Variants in TAMM41 observed in about 807,000 individuals in gnomAD.
TAMM41 encodes the protein phosphatidate cytidylyltransferase, mitochondrial.
A neutral mutation model predicts 44.1 loss-of-function variants in TAMM41; 36 were observed. The observed-to-expected ratio is 0.82, with a 90% CI of 0.63 to 1.08. The LOEUF (loss-of-function observed/expected upper bound fraction) is 1.08, where lower values mean the gene tolerates loss of function less well. Ranked by LOEUF, TAMM41 falls within the 50% of genes least tolerant of loss-of-function variation. The pLI, the probability that TAMM41 is intolerant of heterozygous loss-of-function variation, is 0.00. For synonymous variants in TAMM41, 164 were observed against 153.1 expected (o/e 1.07, Z -0.53); for missense variants, 417 against 404.3 (o/e 1.03, Z -0.27).
At chr3:11,744,350 G>A in the TAMM41 span, among the ~76,000 whole-genome samples, 12 of 152,078 alleles carry the variant, frequency 7.9e-5, no homozygotes, top group Admixed American at 7.9e-4. Flanking sequence ...TTACAGGTGT[G>A]AGCCACCATG....
At chr3:11,777,580 G>A in the TAMM41 span, among the ~76,000 whole-genome samples, 168 of 152,276 alleles carry the variant, frequency 1.1e-3, no homozygotes, top group African/African-American at 3.7e-3. Context: ...GATCATTTGC[G>A]ATCCAGAGTT....
the TAMM41 span, among the ~76,000 whole-genome samples, chr3:11,752,511 A>C: frequency 6.6e-6 from 1 of 151,802 alleles, no homozygotes; most frequent in Non-Finnish European, 1.5e-5. Flanking sequence ...AATCCTAGCT[A>C]CAGAGTGCTG....
chr3:11,834,357 A>G (rs2079094726), intron 3 of TAMM41, among the ~76,000 whole-genome samples: 1 of 152,238 alleles, frequency 6.6e-6, no homozygotes. Context: ...GTCAATATAA[A>G]TGTCTTAAAA....
At chr3:11,808,403 C>A in intron 6 of TAMM41, 1 of 992,654 alleles carries the variant, frequency 1.0e-6, no homozygotes, top group South Asian at 4.6e-5. Flanking sequence ...GTGCCTCGTA[C>A]AGAGCTATCT....
chr3:11,842,252 G>A lies in TAMM41; in HGVS notation c.318+1777C>T, dbSNP rs539970463. 1.8e-4 allele frequency among the ~76,000 whole-genome samples: 27 copies of A among 152,214 alleles called. 1 individual carries two copies. The highest frequency in any genetic ancestry group is 6.5e-4 in the African/African-American group (27 of 41,530). ...AAAACACAAAAAATTAGCTGGACAT[G>A]ATTACAGTAGTGGGCTCTGTAATCC... On this transcript the variant is annotated intron_variant, in intron 2 of 7. Coordinates refer to ENST00000455809, the MANE Select transcript of TAMM41 (RefSeq NM_001284401.2).
chr3:11,770,890 T>TTGGGTCTCTTCTCTTTGTG, the TAMM41 span, among the ~76,000 whole-genome samples: 1 of 152,230 alleles, frequency 6.6e-6, no homozygotes, highest in Admixed American at 6.5e-5. Context: ...CCCAGGTGTC[T>TTGGGTCTCTTCTCTTTGTG]CTCCCCAGAG....
At chr3:11,773,487 C>T in the TAMM41 span, among the ~76,000 whole-genome samples, 1 of 152,082 alleles carries the variant, frequency 6.6e-6, no homozygotes, top group African/African-American at 2.4e-5. Flanking sequence ...TCCAAAAGTG[C>T]TAGGATTACA....
the TAMM41 span, among the ~76,000 whole-genome samples, chr3:11,760,556 T>C: frequency 1.2e-4 from 18 of 152,008 alleles, no homozygotes; most frequent in South Asian, 4.2e-4. Context: ...TGTTTTGTTT[T>C]GTTTTGTTTT....
the TAMM41 span, among the ~76,000 whole-genome samples, chr3:11,742,346 A>T: frequency 1.3e-5 from 2 of 150,298 alleles, no homozygotes; most frequent in Non-Finnish European, 2.9e-5. Context: ...ACAGTATGCA[A>T]CCTTATAGGA....
chr3:11,838,497 T>C (rs1440308583), intron 3 of TAMM41, among the ~76,000 whole-genome samples: 11 of 152,122 alleles, frequency 7.2e-5, no homozygotes, highest in African/African-American at 2.7e-4. Flanking sequence ...GGATTACAGG[T>C]GTGAGCCACC....
chr3:11,812,245 A>T (rs1452724527), intron 5 of TAMM41, among the ~76,000 whole-genome samples: 1 of 152,128 alleles, frequency 6.6e-6, no homozygotes, highest in Non-Finnish European at 1.5e-5. Context: ...CAAAAGAGTA[A>T]AGAAAAAATA....
downstream of TAMM41, among the ~76,000 whole-genome samples, chr3:11,788,591 T>G (rs533212988): frequency 2.6e-5 from 4 of 152,180 alleles, no homozygotes; most frequent in Non-Finnish European, 5.9e-5. Context: ...GCCCAGTCTA[T>G]TTTGGGTTCT....
the TAMM41 span, among the ~76,000 whole-genome samples, chr3:11,733,997 C>T: frequency 1.3e-5 from 2 of 151,650 alleles, no homozygotes; most frequent in African/African-American, 2.4e-5. Flanking sequence ...AGAAGGCACA[C>T]GTCCTTCCTC....
chr3:11,728,479 C>T, the TAMM41 span, among the ~76,000 whole-genome samples: 9 of 152,244 alleles, frequency 5.9e-5, no homozygotes, highest in Admixed American at 5.2e-4. Context: ...TATATGAAAG[C>T]ATTAACAGTG....
At chr3:11,826,108 T>A (rs953893737) in intron 4 of TAMM41, among the ~76,000 whole-genome samples, 3 of 152,134 alleles carry the variant, frequency 2.0e-5, no homozygotes, top group African/African-American at 7.2e-5. Flanking sequence ...CTAATATAAG[T>A]GTCCATCAAT....
rs1244999925 is a variant in TAMM41, at chr3:11,804,993, G to GC, written c.937+2839dup. Among the ~76,000 whole-genome samples, 709 of 129,854 alleles carry GC rather than the reference G, an allele frequency of 5.5e-3. 23 individuals are homozygous for GC. The highest frequency in any genetic ancestry group is 0.02 in the African/African-American group (693 of 33,944). 85.2% of individuals were successfully genotyped at this position (129,854 alleles called of 152,430 possible). A position where few individuals can be genotyped will look rare whatever the true frequency, so the allele number is the denominator to read the frequency against. ...CTACGGGCGCGCACCACCACGCCCAGCCCTTTTTTTTTTTTTTTTTTTTTT... is the reference window on the plus strand; with the variant it reads ...CTACGGGCGCGCACCACCACGCCCAGCCCCTTTTTTTTTTTTTTTTTTTTTT... On this transcript the variant is annotated intron_variant, in intron 7 of 7. Transcript: ENST00000455809.
chr3:11,776,816 AC>A, the TAMM41 span, among the ~76,000 whole-genome samples: 1 of 152,186 alleles, frequency 6.6e-6, no homozygotes, highest in Non-Finnish European at 1.5e-5. Context: ...ACATTATTTC[AC>A]CATAAAAGAG....
chr3:11,743,358 A>C, the TAMM41 span, among the ~76,000 whole-genome samples: 1 of 148,030 alleles, frequency 6.8e-6, no homozygotes, highest in Admixed American at 6.7e-5. Context: ...TTTTAAGAGG[A>C]AGTCTCGCTC....
chr3:11,725,253 CCTTCTCCTTTTCTTCCTCCCTCTT>C, the TAMM41 span, among the ~76,000 whole-genome samples: 4 of 127,424 alleles, frequency 3.1e-5, no homozygotes, highest in African/African-American at 5.4e-5. Context: ...TCCCCCTCCT[CCTTCTCCTTTTCTTCCTCCCTCTT>C]CTCCTCCTTC....
Sources: gnomAD v4.1 joint callset for allele counts (sites outside exome capture counted in the v4.1 genomes callset) on GRCh38, gnomAD v4.1.1 for gene constraint, MANE v1.5 for transcripts, NCBI Gene and HGNC (gene_info 2026-07-23, HGNC 2026-07-21) for gene names.